The following SHOC1 variants were observed in gnomAD, a reference collection of about 807,000 sequenced individuals.
SHOC1 encodes the protein shortage in chiasmata 1.
A neutral mutation model predicts 179.2 loss-of-function variants in SHOC1; 136 were observed. That is an observed-to-expected ratio of 0.76 (90% CI 0.66 to 0.87). The LOEUF is 0.87. Ranked by LOEUF, SHOC1 falls within the 40% of genes least tolerant of loss-of-function variation. The pLI, the probability that SHOC1 is intolerant of heterozygous loss-of-function variation, is 0.00. For missense variants in SHOC1, 1,538 were observed against 1,700.8 expected (o/e 0.90, Z 1.68); for synonymous variants, 489 against 586.6 (o/e 0.83, Z 2.41).
intron 11 of SHOC1, among the ~76,000 whole-genome samples, chr9:111,740,973 C>T (rs1182649116): frequency 6.6e-6 from 1 of 152,120 alleles, no homozygotes; most frequent in Non-Finnish European, 1.5e-5. Flanking sequence ...CTGCAACCTC[C>T]GCCTCCCAGG....
Position 111,756,506 on chromosome 9 carries a change from T to C in SHOC1, c.709-28A>G. On this transcript the variant is annotated intron_variant, in intron 7 of 27. Transcript: ENST00000682961. ...GAAAAAACATAGTTTAAAAAAGTTT[T>C]TAGAGAGGCTTTCCAAATAAATATT... is the stretch of plus-strand genomic sequence containing the variant. The C allele has an allele frequency of 1.9e-6, 3 of 1,560,752 alleles. No homozygotes were observed. The South Asian group carries it at 3.7e-5, about 19-fold the overall frequency.
At position 111,693,818 on chromosome 9, in the gene SHOC1, A is replaced by G; in HGVS notation, c.3446T>C (p.Val1149Ala). Residue 1149 changes from valine (V) to alanine (A), a missense_variant, in exon 26 of 28, where the codon GTC becomes GCC. Transcript: ENST00000682961. ...ACTAACCTTTAACACTTTTTCTGGGACTTCAGGTAGGAGTTCCTGAAGTTG... is the reference window on the plus strand; with the variant it reads ...ACTAACCTTTAACACTTTTTCTGGGGCTTCAGGTAGGAGTTCCTGAAGTTG... ...LCQLQELLPEVPEKVLKHFCS... is the reference protein window; with the variant it reads ...LCQLQELLPEAPEKVLKHFCS... 1 of 1,607,718 alleles carries G rather than the reference A, an allele frequency of 6.2e-7. No homozygotes were observed.
At chr9:111,715,089 T>C (rs1469501530) in intron 16 of SHOC1, among the ~76,000 whole-genome samples, 1 of 152,208 alleles carries the variant, frequency 6.6e-6, no homozygotes, top group Non-Finnish European at 1.5e-5. Flanking sequence ...ATTTAATTCA[T>C]ATGGCTGCTA....
intron 2 of SHOC1, among the ~76,000 whole-genome samples, chr9:111,789,718 T>C (rs1836387687): frequency 6.6e-6 from 1 of 152,206 alleles, no homozygotes; most frequent in Non-Finnish European, 1.5e-5. Context: ...TATCACGGAC[T>C]GTTGGATACC....
chr9:111,701,886 T>TG (rs1831988397), intron 23 of SHOC1, among the ~76,000 whole-genome samples: 11 of 151,986 alleles, frequency 7.2e-5, no homozygotes. Context: ...CTTAGTGAGA[T>TG]GGGGGAAAGG....
intron 18 of SHOC1, among the ~76,000 whole-genome samples, chr9:111,710,767 A>T (rs888088497): frequency 1.3e-5 from 2 of 152,144 alleles, no homozygotes; most frequent in Non-Finnish European, 2.9e-5. Context: ...TTAATTTTTT[A>T]AAAATGTGTA....
intron 24 of SHOC1, among the ~76,000 whole-genome samples, chr9:111,697,365 C>T (rs1365447764): frequency 1.3e-5 from 2 of 152,040 alleles, no homozygotes; most frequent in Admixed American, 6.6e-5. Context: ...CGACAGGCCC[C>T]GGTGTGTGAT....
In SHOC1 at chr9:111,692,302, G is replaced by C. The variant is rs1256017313; in HGVS notation, c.3675C>G (p.Thr1225=). Residue 1225 remains threonine, a synonymous_variant, in exon 27 of 28, where the codon ACC becomes ACG. Transcript: ENST00000682961. ...LGETVQEDKT[T]ILNDNSSIME... ...TAATGGAAGAGTTGTCATTCAAAAT[G>C]GTGGTTTTGTCTTCCTGCACTGTCT... 3.7e-6 allele frequency: 6 copies of C among 1,612,818 alleles called. No homozygotes were observed. The highest frequency in any genetic ancestry group is 5.1e-6 in the Non-Finnish European group (6 of 1,179,016).
rs776385145 is a variant in SHOC1, at chr9:111,756,379, G to T, written c.808C>A (p.Pro270Thr). The change falls in exon 8 of 28, where the codon CCA (proline) becomes ACA (threonine). Residue 270 changes from proline (P) to threonine (T), a missense_variant. By Grantham distance (38) the Pro-to-Thr change is conservative. Coordinates refer to ENST00000682961, the MANE Select transcript of SHOC1 (RefSeq NM_001378211.1). ...ACATAGTTTATTATTTCTGGCACTG[G>T]GTTTAATAACTCCTTCAGTTCTGAG... ...SLSELKELLN[P>T]VPEIINYVDE... is the part of the protein sequence containing the mutation. The T allele has an allele frequency of 1.9e-6, 3 of 1,611,118 alleles. No individual in the cohort carries two copies. The highest frequency in any genetic ancestry group is 3.3e-5 in the Admixed American group (2 of 59,748).
Position 111,780,992 on chromosome 9 carries a change from C to T in SHOC1, c.195G>A (p.Met65Ile), listed in dbSNP as rs757949503. 1.9e-6 allele frequency: 3 copies of T among 1,613,210 alleles called. No individual in the cohort carries two copies. Among genetic ancestry groups the T allele is most frequent in the South Asian group, 1.1e-5 (1 of 90,968 alleles). Residue 65 changes from methionine (M) to isoleucine (I), a missense_variant, in exon 4 of 28, where the codon ATG (methionine) becomes ATA (isoleucine). Transcript: ENST00000682961. ...ATTGGTCCAAGACTGAGGTATCTGT[C>T]ATTCCCGGAACTGAAACAGCTGAGA... is the stretch of plus-strand genomic sequence containing the variant. ...TRVSAVSVPG[M>I]TDTSVLDQWK...
chr9:111,734,757 A>C (rs1304669231), intron 12 of SHOC1, among the ~76,000 whole-genome samples: 2 of 152,158 alleles, frequency 1.3e-5, no homozygotes, highest in Non-Finnish European at 2.9e-5. Flanking sequence ...TATCCCAAGG[A>C]GCACTTATAC....
intron 1 of SHOC1, among the ~76,000 whole-genome samples, chr9:111,792,872 C>T (rs1394734659): frequency 1.3e-5 from 2 of 151,370 alleles, no homozygotes; most frequent in African/African-American, 4.9e-5. Context: ...CTTTTCCACC[C>T]AGTGTATCAC....
At chr9:111,768,937 A>G (rs1306255072) in intron 5 of SHOC1, among the ~76,000 whole-genome samples, 1 of 152,150 alleles carries the variant, frequency 6.6e-6, no homozygotes, top group African/African-American at 2.4e-5. Context: ...TTCTATACCT[A>G]TTTTGATGAT....
Position 111,686,684 on chromosome 9 carries a change from G to A in SHOC1, c.*86C>T, listed in dbSNP as rs1589363206. The A allele has an allele frequency of 1.2e-6, 1 of 819,942 alleles. No homozygotes were observed. Among genetic ancestry groups the A allele is most frequent in the South Asian group, 1.5e-5 (1 of 68,562 alleles). The allele number at this position is 819,942 out of a possible 1,614,324, so 50.8% of individuals were successfully genotyped here. On this transcript the variant is annotated 3_prime_UTR_variant, in exon 28 of 28. Transcript: ENST00000682961. ...TATATGAACAATTGTGTTTTCTTTA[G>A]TGTATGAGCAAATCTAAATAATTGC...
rs73541290 is a variant in SHOC1 at position 111,716,050 on chromosome 9, T to C, written c.2237-1427A>G. 6.5e-3 allele frequency among the ~76,000 whole-genome samples: 990 copies of C among 152,204 alleles called. 12 individuals are homozygous for C. The highest frequency in any genetic ancestry group is 0.023 in the African/African-American group (959 of 41,520). ...GAGAGAAAGAAAGGACAACCTAACT[T>C]GATCTTGGCTTTCAAGAGGTATAGA... On this transcript the variant is annotated intron_variant, in intron 16 of 27. Coordinates refer to ENST00000682961, the MANE Select transcript of SHOC1 (RefSeq NM_001378211.1).
At chr9:111,765,606 A>G (rs112962227) in intron 5 of SHOC1, among the ~76,000 whole-genome samples, 5,261 of 148,760 alleles carry the variant, frequency 0.035, 321 homozygotes, top group African/African-American at 0.13. Flanking sequence ...AAAACAAAAC[A>G]AAACAAAAAC....
intron 13 of SHOC1, 132 bp downstream of exon 13, chr9:111,727,501 A>C: frequency 1.4e-6 from 1 of 740,516 alleles, no homozygotes; most frequent in Non-Finnish European, 2.0e-6. Flanking sequence ...AGAATCAATG[A>C]CATTTTCCTT....
intron 12 of SHOC1, among the ~76,000 whole-genome samples, chr9:111,730,861 T>C (rs1166339162): frequency 6.6e-6 from 1 of 152,232 alleles, no homozygotes; most frequent in Non-Finnish European, 1.5e-5. Flanking sequence ...TTTCTTCAAA[T>C]AGAACGCTGT....
At chr9:111,765,984 C>A (rs1021750083) in intron 5 of SHOC1, among the ~76,000 whole-genome samples, 1 of 152,074 alleles carries the variant, frequency 6.6e-6, no homozygotes, top group African/African-American at 2.4e-5. Flanking sequence ...CCTAGTCCAT[C>A]TTTACTATTT....
Sources: allele counts gnomAD v4.1 joint callset (sites outside exome capture counted in the v4.1 genomes callset), GRCh38; gene constraint gnomAD v4.1.1; transcripts MANE v1.5; gene names NCBI Gene and HGNC (gene_info 2026-07-23, HGNC 2026-07-21).